The following UBR3 variants were observed in gnomAD, a reference collection of about 807,000 sequenced individuals.
The protein encoded by UBR3 is ubiquitin protein ligase E3 component n-recognin 3, also known as E3 ubiquitin-protein ligase UBR3.
A neutral mutation model predicts 243.2 loss-of-function variants in UBR3; 85 were observed. The ratio of observed to expected loss-of-function variants is 0.35; its 90% CI spans 0.29 to 0.42. UBR3 has a LOEUF of 0.42. Ranked by LOEUF, UBR3 falls within the 10% of genes least tolerant of loss-of-function variation. The pLI, the probability that UBR3 is intolerant of heterozygous loss-of-function variation, is 1.00. For missense variants in UBR3, 1,686 were observed against 2,300.8 expected (o/e 0.73, Z 5.47); for synonymous variants, 748 against 799.8 (o/e 0.94, Z 1.09).
chr2:170,039,961 T>G (rs1294525684), intron 31 of UBR3, among the ~76,000 whole-genome samples: 1 of 152,156 alleles, frequency 6.6e-6, no homozygotes, highest in African/African-American at 2.4e-5. Context: ...CTTGAACTCC[T>G]GATTTCAAGT....
intron 1 of UBR3, among the ~76,000 whole-genome samples, chr2:169,841,600 G>C (rs752561650): frequency 6.6e-6 from 1 of 152,238 alleles, no homozygotes; most frequent in Non-Finnish European, 1.5e-5. Flanking sequence ...CCGGGTGGGC[G>C]TGGGCTTGGT....
chr2:169,956,718 C>T (rs2087315576), intron 23 of UBR3, among the ~76,000 whole-genome samples: 1 of 152,058 alleles, frequency 6.6e-6, no homozygotes, highest in Non-Finnish European at 1.5e-5. Flanking sequence ...TTTGTAGTTG[C>T]TCCTGATTAT....
intron 26 of UBR3, 29 bp downstream of exon 26, chr2:169,994,485 T>C: frequency 6.3e-7 from 1 of 1,578,190 alleles, no homozygotes; most frequent in East Asian, 2.3e-5. Context: ...ATAGTACTTT[T>C]GTCTGCCAAG....
At chr2:169,975,016 C>A (rs556701036) in intron 24 of UBR3, among the ~76,000 whole-genome samples, 3 of 152,116 alleles carry the variant, frequency 2.0e-5, no homozygotes, top group African/African-American at 7.2e-5. Flanking sequence ...CCCCAAAATA[C>A]AAAAATTAGC....
At chr2:169,844,933 A>G (rs961421659) in intron 1 of UBR3, among the ~76,000 whole-genome samples, 1 of 151,838 alleles carries the variant, frequency 6.6e-6, no homozygotes, top group Non-Finnish European at 1.5e-5. Flanking sequence ...TTAATTTCCT[A>G]GTCTTTTTAT....
intron 24 of UBR3, among the ~76,000 whole-genome samples, chr2:169,966,171 C>G (rs11680913): frequency 0.11 from 16,267 of 152,080 alleles, 1,138 homozygotes; most frequent in Admixed American, 0.18. Flanking sequence ...TTATCCTCCC[C>G]ACCACCTTTT....
At position 169,890,555 on chromosome 2, in the gene UBR3, A is replaced by ATGTGTGTATATATATATG. The variant is rs1553504487; in HGVS notation, c.1039-609_1039-608insGTGTGTATATATATATGT. Among the ~76,000 whole-genome samples, 83 of 71,430 alleles carry ATGTGTGTATATATATATG rather than the reference A, an allele frequency of 1.2e-3. 1 individual carries two copies. The highest frequency in any genetic ancestry group is 1.0e-3 in the Admixed American group (7 of 6,734). 46.9% of individuals were successfully genotyped at this position (71,430 alleles called of 152,430 possible). A position where few individuals can be genotyped will look rare whatever the true frequency, so the allele number is the denominator to read the frequency against. On this transcript the variant is annotated intron_variant, in intron 5 of 38. Transcript: ENST00000272793. ...GAGAGAGAGAGATATATATATATATATATATATATGTGTATATATATATAT... is the reference window on the plus strand; with the variant it reads ...GAGAGAGAGAGATATATATATATATATGTGTGTATATATATATGTATATATATGTGTATATATATATAT...
At chr2:169,889,537 T>C (rs549219826) in intron 5 of UBR3, among the ~76,000 whole-genome samples, 1 of 152,286 alleles carries the variant, frequency 6.6e-6, no homozygotes, top group South Asian at 2.1e-4. Context: ...CTGTGTCTGT[T>C]TTCTATCTTT....
chr2:169,916,588 C>T (rs1283213239), intron 11 of UBR3, among the ~76,000 whole-genome samples: 2 of 152,086 alleles, frequency 1.3e-5, no homozygotes, highest in South Asian at 2.1e-4. Context: ...TTTTGGATGC[C>T]CTCCTCATTC....
intron 11 of UBR3, among the ~76,000 whole-genome samples, chr2:169,920,214 G>A (rs1181569772): frequency 2.0e-5 from 3 of 152,042 alleles, no homozygotes; most frequent in Admixed American, 2.0e-4. Context: ...ACTATTGCAA[G>A]GACAAAAAAC....
At chr2:169,965,254 A>G (rs2087753584) in intron 24 of UBR3, among the ~76,000 whole-genome samples, 1 of 152,198 alleles carries the variant, frequency 6.6e-6, no homozygotes, top group African/African-American at 2.4e-5. Context: ...TAGTATTAAT[A>G]CTTGGCAGCA....
chr2:169,917,065 G>C (rs966671519), intron 11 of UBR3, among the ~76,000 whole-genome samples: 5 of 152,056 alleles, frequency 3.3e-5, no homozygotes, highest in African/African-American at 1.2e-4. Context: ...AATCCCTCCT[G>C]CCCTGAATTA....
At chr2:170,010,567 A>G (rs1322565318) in intron 29 of UBR3, among the ~76,000 whole-genome samples, 1 of 152,174 alleles carries the variant, frequency 6.6e-6, no homozygotes, top group Admixed American at 6.5e-5. Flanking sequence ...TAACTTACAG[A>G]AAAAAGCTTG....
In UBR3 at chr2:169,949,933, T is replaced by C; in HGVS notation, c.3413T>C (p.Ile1138Thr). 1 of 1,613,626 alleles carries C rather than the reference T, an allele frequency of 6.2e-7. No homozygotes were observed. Among genetic ancestry groups the C allele is most frequent in the Non-Finnish European group, 8.5e-7 (1 of 1,179,736 alleles). ...GATGGTATAACTGCCGTGGAAAGAA[T>C]TTTACTAAAAGCTGCATCGCAAAGT... ...HGDGITAVERILLKAASQSRM... is the reference protein window; with the variant it reads ...HGDGITAVERTLLKAASQSRM... Residue 1138 changes from isoleucine (I) to threonine (T), a missense_variant, in exon 23 of 39, where the codon ATT becomes ACT. This residue lies in a region of UBR3 where 300 missense variants were observed against 314.4 expected (regional missense o/e 0.95). Transcript: ENST00000272793.
chr2:169,945,547 T>C (rs950099227), intron 20 of UBR3, among the ~76,000 whole-genome samples: 1 of 152,230 alleles, frequency 6.6e-6, no homozygotes, highest in Non-Finnish European at 1.5e-5. Context: ...CAATTAAAAC[T>C]GCTGCTGCCT....
intron 8 of UBR3, among the ~76,000 whole-genome samples, chr2:169,904,176 A>G (rs2084929678): frequency 6.6e-6 from 1 of 152,152 alleles, no homozygotes; most frequent in Non-Finnish European, 1.5e-5. Context: ...TCAAAAGCAT[A>G]TGATTCAATT....
chr2:169,966,041 C>T (rs1301115609), intron 24 of UBR3, among the ~76,000 whole-genome samples: 1 of 152,164 alleles, frequency 6.6e-6, no homozygotes, highest in African/African-American at 2.4e-5. Flanking sequence ...GAATGCAACA[C>T]ATTTCTACTG....
At chr2:169,888,941 A>G (rs553149961) in intron 5 of UBR3, among the ~76,000 whole-genome samples, 2 of 152,302 alleles carry the variant, frequency 1.3e-5, no homozygotes, top group Non-Finnish European at 2.9e-5. Context: ...ATTATAAATA[A>G]CATTGTGATG....
At chr2:169,961,082 T>A (rs1176395088) in intron 24 of UBR3, among the ~76,000 whole-genome samples, 1 of 152,122 alleles carries the variant, frequency 6.6e-6, no homozygotes, top group African/African-American at 2.4e-5. Context: ...ATTTTATTTT[T>A]AAAATTTTAT....
Sources: gnomAD v4.1 joint callset for allele counts (sites outside exome capture counted in the v4.1 genomes callset) on GRCh38, gnomAD v4.1.1 for gene constraint, gnomAD v4.1.1 regional missense constraint, MANE v1.5 for transcripts, NCBI Gene and HGNC (gene_info 2026-07-23, HGNC 2026-07-21) for gene names.